LRRC36: variants seen among roughly 807,000 people sequenced by gnomAD.
LRRC36 encodes the protein leucine-rich repeat-containing protein 36.
A neutral mutation model predicts 81.1 loss-of-function variants in LRRC36; 62 were observed. That is an observed-to-expected ratio of 0.76 (90% CI 0.62 to 0.94). The LOEUF (loss-of-function observed/expected upper bound fraction) is 0.94. Ranked by LOEUF, LRRC36 falls within the 40% of genes least tolerant of loss-of-function variation. LRRC36 has a pLI of 0.00. For synonymous variants in LRRC36, 334 were observed against 348.6 expected, an observed-to-expected ratio of 0.96 and a Z score of 0.47; for missense variants, 761 against 881.7, an observed-to-expected ratio of 0.86 and a Z score of 1.73.
intron 11 of LRRC36, 143 bp downstream of exon 11, chr16:67,377,015 C>T: frequency 1.2e-6 from 1 of 858,626 alleles, no homozygotes; most frequent in South Asian, 2.6e-5. Context: ...CTTGCTAGGA[C>T]AGGGACAACT....
intron 1 of LRRC36, among the ~76,000 whole-genome samples, chr16:67,341,010 TTCTATAGAATATGTAC>T (rs1208369895): frequency 2.2e-4 from 19 of 87,556 alleles, no homozygotes; most frequent in South Asian, 6.9e-4. Context: ...AGAATATGTA[TTCTATAGAATATGTAC>T]TCTACATATT....
At chr16:67,339,562 T>A (rs1303351182) in intron 1 of LRRC36, among the ~76,000 whole-genome samples, 1 of 152,248 alleles carries the variant, frequency 6.6e-6, no homozygotes. Context: ...TCTGTGGCTC[T>A]TTAAGTGCAG....
Position 67,335,734 on chromosome 16 carries a change from C to CT in LRRC36, c.71-6208dup, listed in dbSNP as rs912010681. On this transcript the variant is annotated intron_variant, in intron 1 of 13. Coordinates refer to ENST00000329956, the MANE Select transcript of LRRC36 (RefSeq NM_018296.6). Reference sequence around the variant, plus strand: ...CTTCCCGCAACAGACAACCACTGATCTTTTTTTTTTTTTTTGAGACAGACT... The same window carrying CT: ...CTTCCCGCAACAGACAACCACTGATCTTTTTTTTTTTTTTTTGAGACAGACT... Among the ~76,000 whole-genome samples the CT allele has an allele frequency of 7.9e-3, 1,115 of 141,380 alleles. 5 individuals carry two copies. Among genetic ancestry groups the CT allele is most frequent in the Non-Finnish European group, 0.012 (777 of 64,420 alleles). The allele number at this position is 141,380 out of a possible 152,430, so 92.8% of individuals were successfully genotyped here. A position where few individuals can be genotyped will look rare whatever the true frequency, so the allele number is the denominator to read the frequency against.
Position 67,350,260 on chromosome 16 carries a change from A to G in LRRC36, c.547A>G (p.Ser183Gly). The G allele has an allele frequency of 6.2e-7, 1 of 1,613,790 alleles. No homozygotes were observed. Among genetic ancestry groups the G allele is most frequent in the Non-Finnish European group, 8.5e-7 (1 of 1,179,888 alleles). Residue 183 changes from serine (S) to glycine (G), a missense_variant, in exon 5 of 14, where the codon AGT becomes GGT. By Grantham distance (56) the Ser-to-Gly change is moderately conservative (BLOSUM62 0). Transcript: ENST00000329956. ...VTGESSASKVSANVDSRIEMD... is the reference protein window; with the variant it reads ...VTGESSASKVGANVDSRIEMD... ...AGGTGAGAGCTCTGCATCAAAAGTCAGTGCTAATGTTGACAGCAGGATTGA... is the reference window on the plus strand; with the variant it reads ...AGGTGAGAGCTCTGCATCAAAAGTCGGTGCTAATGTTGACAGCAGGATTGA...
At chr16:67,352,719 C>G (rs2038711859) in intron 5 of LRRC36, among the ~76,000 whole-genome samples, 1 of 149,638 alleles carries the variant, frequency 6.7e-6, no homozygotes, top group African/African-American at 2.5e-5. Context: ...ATTCTGTTGC[C>G]CAGGCTGGAG....
chr16:67,377,902 C>T (rs1199528765), intron 11 of LRRC36, among the ~76,000 whole-genome samples: 2 of 151,036 alleles, frequency 1.3e-5, no homozygotes, highest in Non-Finnish European at 2.9e-5. Context: ...CAAAGTGCTG[C>T]AATTACAGGC....
intron 1 of LRRC36, among the ~76,000 whole-genome samples, chr16:67,334,951 T>A (rs1159086166): frequency 6.6e-6 from 1 of 151,528 alleles, no homozygotes. Context: ...GAATAGGGGG[T>A]GGGTCACATA....
At chr16:67,376,932 C>T (rs2039922429) in intron 11 of LRRC36, 60 bp downstream of exon 11, 1 of 1,525,594 alleles carries the variant, frequency 6.6e-7, no homozygotes, top group African/African-American at 1.4e-5. Flanking sequence ...AACATCTCTG[C>T]CTTAATGATC....
At chr16:67,355,585 G>A (rs560586544) in intron 5 of LRRC36, among the ~76,000 whole-genome samples, 3 of 151,484 alleles carry the variant, frequency 2.0e-5, no homozygotes, top group Non-Finnish European at 2.9e-5. Flanking sequence ...TGTTTTAGCC[G>A]GGATGGTCTC....
intron 8 of LRRC36, among the ~76,000 whole-genome samples, chr16:67,368,097 A>G (rs547977622): frequency 6.6e-6 from 1 of 152,176 alleles, no homozygotes; most frequent in Non-Finnish European, 1.5e-5. Context: ...AGTGACAGAG[A>G]TCACTCTTCT....
intron 8 of LRRC36, among the ~76,000 whole-genome samples, chr16:67,368,253 C>T (rs1438727994): frequency 6.6e-6 from 1 of 152,224 alleles, no homozygotes; most frequent in Non-Finnish European, 1.5e-5. Context: ...ATAGAGCTTA[C>T]ATTCTCATGG....
At chr16:67,353,761 G>A (rs771124004) in intron 5 of LRRC36, among the ~76,000 whole-genome samples, 18 of 152,148 alleles carry the variant, frequency 1.2e-4, no homozygotes, top group Non-Finnish European at 2.2e-4. Flanking sequence ...GGTTCTACAG[G>A]TGAGGAAACT....
At chr16:67,333,792 A>G (rs972346378) in intron 1 of LRRC36, among the ~76,000 whole-genome samples, 19 of 152,080 alleles carry the variant, frequency 1.2e-4, no homozygotes, top group Non-Finnish European at 2.4e-4. Flanking sequence ...TTTACAGAGA[A>G]ATTGGGCATA....
chr16:67,346,937 C>T (rs1322083010), intron 3 of LRRC36, among the ~76,000 whole-genome samples: 6 of 152,086 alleles, frequency 3.9e-5, no homozygotes, highest in Admixed American at 2.0e-4. Context: ...TGCAGTGGCA[C>T]GATCTTGGCT....
intron 11 of LRRC36, 150 bp from the exon 12 acceptor site, chr16:67,378,439 C>T (rs1371937336): frequency 5.6e-6 from 3 of 532,748 alleles, no homozygotes; most frequent in South Asian, 2.0e-5. Flanking sequence ...GGGGTTTCAC[C>T]GTGTTGCCCA....
chr16:67,372,842 TG>T (rs756763558), intron 9 of LRRC36, among the ~76,000 whole-genome samples: 6 of 152,210 alleles, frequency 3.9e-5, no homozygotes, highest in Non-Finnish European at 7.3e-5. Context: ...TGGAAGTGGC[TG>T]TAATTTTTGT....
Position 67,385,081 on chromosome 16 carries a change from G to A in LRRC36, c.2257G>A (p.Gly753Ser), listed in dbSNP as rs545162878. Residue 753 changes from glycine to serine, a missense_variant, in exon 14 of 14, where the codon GGC becomes AGC. This residue lies in a region of LRRC36 where 359 missense variants were observed against 388.4 expected (regional missense o/e 0.92). Transcript: ENST00000329956. ...CGTCTTGGATGCTGCCCCAGAGCCT[G>A]GCTTATAGAGCTAGCATGGAACTCA... ...QSVLDAAPEP[G>S]L 2 of 1,613,200 alleles carry A rather than the reference G, an allele frequency of 1.2e-6. No individual in the cohort carries two copies. The highest frequency in any genetic ancestry group is 1.3e-5 in the African/African-American group (1 of 75,022).
At chr16:67,347,297 G>C (rs780796885) in intron 3 of LRRC36, 198 bp from the exon 4 acceptor site, 3 of 956,892 alleles carry the variant, frequency 3.1e-6, no homozygotes, top group Non-Finnish European at 4.4e-6. Flanking sequence ...GGCAGTGGTC[G>C]CTATGGCTTC....
chr16:67,339,213 G>A (rs1181404236), intron 1 of LRRC36, among the ~76,000 whole-genome samples: 2 of 149,390 alleles, frequency 1.3e-5, no homozygotes, highest in African/African-American at 2.5e-5. Flanking sequence ...TTCTCAAGGT[G>A]CCAGTAGCTT....
Sources: allele counts gnomAD v4.1 joint callset (sites outside exome capture counted in the v4.1 genomes callset), GRCh38; gene constraint gnomAD v4.1.1; regional missense constraint gnomAD v4.1.1; transcripts MANE v1.5; gene names NCBI Gene and HGNC (gene_info 2026-07-23, HGNC 2026-07-21).